DEDD: variants seen among roughly 807,000 people sequenced by gnomAD.
DEDD encodes death effector domain containing, also known as death effector domain-containing protein.
DEDD carries 3 observed loss-of-function variants against 29.2 expected under a neutral mutation model. The ratio of observed to expected loss-of-function variants is 0.10; its 90% CI spans 0.05 to 0.27. The LOEUF (loss-of-function observed/expected upper bound fraction) is 0.27, where lower values mean the gene tolerates loss of function less well. Among genes scored for constraint, DEDD ranks in the 10% least tolerant of loss-of-function variants. The pLI, the probability that DEDD is intolerant of heterozygous loss-of-function variation, is 1.00. For synonymous variants in DEDD, 152 were observed against 161.3 expected (o/e 0.94, Z 0.44); for missense variants, 261 against 420.5 (o/e 0.62, Z 3.32).
intron 2 of DEDD, among the ~76,000 whole-genome samples, chr1:161,128,211 A>T (rs369412888): frequency 9.8e-5 from 15 of 152,292 alleles, no homozygotes; most frequent in African/African-American, 1.4e-4. Flanking sequence ...CCCCTGGGGA[A>T]TATGTGGCAA....
At position 161,124,622 on chromosome 1, in the gene DEDD, T is replaced by A; in HGVS notation, c.-64-96A>T. The A allele has an allele frequency of 2.9e-6, 4 of 1,375,112 alleles. No homozygotes were observed. In the South Asian group the frequency reaches 6.3e-5, roughly 22 times the overall value. The allele number at this position is 1,375,112 out of a possible 1,614,324, so 85.2% of individuals were successfully genotyped here. ...CAGTTGCTAACAATGCCTGGCACAG[T>A]ATAGTGCTTTATACATGTTTATTAA... On this transcript the variant is annotated intron_variant, in intron 2 of 5. Transcript: ENST00000368006.
rs1655438952 is a variant in DEDD, at chr1:161,121,066, T to C, written c.*1081A>G. The C allele has an allele frequency of 8.2e-7, 1 of 1,223,792 alleles. No homozygotes were observed. Among genetic ancestry groups the C allele is most frequent in the Non-Finnish European group, 1.0e-6 (1 of 972,684 alleles). The allele number at this position is 1,223,792 out of a possible 1,614,324, so 75.8% of individuals were successfully genotyped here. Reference sequence around the variant, plus strand: ...ATTGAAAAATATAATAATCATAAAGTCTGTGTCTGGACATCGCCTTTGGGA... The same window carrying C: ...ATTGAAAAATATAATAATCATAAAGCCTGTGTCTGGACATCGCCTTTGGGA... On this transcript the variant is annotated 3_prime_UTR_variant, in exon 6 of 6. Transcript: ENST00000368006.
intron 2 of DEDD, among the ~76,000 whole-genome samples, chr1:161,126,598 T>G (rs1656198338): frequency 6.6e-6 from 1 of 151,746 alleles, no homozygotes; most frequent in South Asian, 2.1e-4. Context: ...TGCCTCGGCC[T>G]CCGAAAGTGC....
chr1:161,128,320 G>C (rs1218748908), intron 2 of DEDD, among the ~76,000 whole-genome samples: 1 of 152,174 alleles, frequency 6.6e-6, no homozygotes, highest in African/African-American at 2.4e-5. Flanking sequence ...CATCCTATAG[G>C]ACAGGTGCAG....
intron 2 of DEDD, chr1:161,125,120 CTG>C (rs1656027328): frequency 6.6e-6 from 1 of 152,194 alleles, no homozygotes; most frequent in African/African-American, 2.4e-5. Context: ...TAAATTCTGA[CTG>C]TATCACTGAA....
intron 4 of DEDD, 76 bp downstream of exon 4, chr1:161,123,763 G>A (rs1655833072): frequency 7.5e-7 from 1 of 1,330,534 alleles, no homozygotes; most frequent in Non-Finnish European, 1.0e-6. Flanking sequence ...ATTTAAGCTG[G>A]CAAAGCCCAG....
At chr1:161,123,997 T>A (rs1388032692) in intron 3 of DEDD, 51 bp from the exon 4 acceptor site, 2 of 1,600,828 alleles carry the variant, frequency 1.2e-6, no homozygotes, top group South Asian at 2.3e-5. Context: ...TTCCCTTCTG[T>A]CAGTCCAAAC....
chr1:161,131,510 C>T (rs911359224), intron 1 of DEDD, among the ~76,000 whole-genome samples: 1 of 152,142 alleles, frequency 6.6e-6, no homozygotes, highest in African/African-American at 2.4e-5. Context: ...ACTTCCAGAG[C>T]CTCCACCTTA....
intron 2 of DEDD, among the ~76,000 whole-genome samples, chr1:161,127,622 G>A (rs1032890228): frequency 4.6e-5 from 7 of 152,314 alleles, no homozygotes; most frequent in Admixed American, 3.9e-4. Context: ...GAGCCCAGAT[G>A]CCCCACCCAA....
At chr1:161,124,084 C>A in intron 3 of DEDD, 54 bp downstream of exon 3, 1 of 1,584,022 alleles carries the variant, frequency 6.3e-7, no homozygotes, top group South Asian at 1.2e-5. Context: ...CTATGCTGCT[C>A]CTTCCTGGCC....
At chr1:161,125,999 C>T (rs544233153) in intron 2 of DEDD, among the ~76,000 whole-genome samples, 1 of 152,356 alleles carries the variant, frequency 6.6e-6, no homozygotes, top group Admixed American at 6.5e-5. Context: ...TCAAGTCACT[C>T]ATACTTACTG....
At chr1:161,127,443 C>T (rs1656291217) in intron 2 of DEDD, among the ~76,000 whole-genome samples, 1 of 152,164 alleles carries the variant, frequency 6.6e-6, no homozygotes, top group Non-Finnish European at 1.5e-5. Flanking sequence ...ATAGAGAAAG[C>T]TGAAGAGTAA....
At chr1:161,129,294 C>T (rs925418576) in intron 2 of DEDD, among the ~76,000 whole-genome samples, 7 of 152,214 alleles carry the variant, frequency 4.6e-5, no homozygotes, top group African/African-American at 1.7e-4. Context: ...CTAACTTTAA[C>T]ATTAAAAGAA....
chr1:161,127,346 G>C (rs992673493), intron 2 of DEDD, among the ~76,000 whole-genome samples: 1 of 152,178 alleles, frequency 6.6e-6, no homozygotes, highest in Non-Finnish European at 1.5e-5. Context: ...CAATTAAACA[G>C]GTTGCTCTGT....
rs969297079 is a variant in DEDD, at chr1:161,121,532, C to T, written c.*615G>A. 6.5e-6 allele frequency: 1 copy of T among 153,722 alleles called. No homozygotes were observed. Among genetic ancestry groups the T allele is most frequent in the African/African-American group, 2.4e-5 (1 of 41,238 alleles). 9.5% of individuals were successfully genotyped at this position (153,722 alleles called of 1,614,324 possible). On this transcript the variant is annotated 3_prime_UTR_variant, in exon 6 of 6. Coordinates refer to ENST00000368006, the MANE Select transcript of DEDD (RefSeq NM_032998.3). ...TGTTCCTCCTTTGAAGAGGGTTTGA[C>T]AAATGGGAAAAAGGAAGGAGCCACA... is the stretch of plus-strand genomic sequence containing the variant.
Position 161,126,382 on chromosome 1 carries a change from C to T in DEDD, c.-64-1856G>A, listed in dbSNP as rs532796443. 1.2e-4 allele frequency among the ~76,000 whole-genome samples: 17 copies of T among 144,884 alleles called. 1 individual carries two copies. In the South Asian group the frequency reaches 3.1e-3, roughly 26 times the overall value. On this transcript the variant is annotated intron_variant, in intron 2 of 5. Transcript: ENST00000368006. The stretch of plus-strand genomic sequence containing the variant: ...TTTTTTTGAGACAGAGTCACTCTGT[C>T]GCCCAGGCTGCAGTGCAGTGGCGCG...
chr1:161,126,865 T>G (rs1017666168), intron 2 of DEDD, among the ~76,000 whole-genome samples: 2 of 152,196 alleles, frequency 1.3e-5, no homozygotes, highest in Non-Finnish European at 2.9e-5. Flanking sequence ...CTTTTTCAGA[T>G]GGCTAACTCC....
chr1:161,131,386 T>G (rs942041184), intron 1 of DEDD, among the ~76,000 whole-genome samples: 1 of 152,136 alleles, frequency 6.6e-6, no homozygotes. Flanking sequence ...ACATACAGTA[T>G]CCATGTTACC....
chr1:161,127,777 T>G (rs1211968399), intron 2 of DEDD, among the ~76,000 whole-genome samples: 2 of 152,218 alleles, frequency 1.3e-5, no homozygotes, highest in Admixed American at 6.5e-5. Context: ...AAACTGAGCC[T>G]CCTCAGAGCC....
Sources: gnomAD v4.1 joint callset for allele counts (sites outside exome capture counted in the v4.1 genomes callset) on GRCh38, gnomAD v4.1.1 for gene constraint, MANE v1.5 for transcripts, NCBI Gene and HGNC (gene_info 2026-07-23, HGNC 2026-07-21) for gene names.